The following TTC23 variants were observed in gnomAD, a reference collection of about 807,000 sequenced individuals.
TTC23 encodes tetratricopeptide repeat protein 23.
TTC23 carries 58 observed loss-of-function variants against 55.1 expected under a neutral mutation model. The ratio of observed to expected loss-of-function variants is 1.05; its 90% CI spans 0.85 to 1.31. The LOEUF (loss-of-function observed/expected upper bound fraction) is 1.31. Ranked by LOEUF, TTC23 falls within the 50% of genes most tolerant of loss-of-function variation. The pLI, the probability that TTC23 is intolerant of heterozygous loss-of-function variation, is 0.00. For missense variants in TTC23, 516 were observed against 534.4 expected, an observed-to-expected ratio of 0.97 and a Z score of 0.34; for synonymous variants, 203 against 199.9, an observed-to-expected ratio of 1.02 and a Z score of -0.13.
chr15:99,250,570 C>G (rs1360219928), upstream of TTC23, among the ~76,000 whole-genome samples: 2 of 152,250 alleles, frequency 1.3e-5, no homozygotes, highest in East Asian at 1.9e-4. Flanking sequence ...ATTAATGAGA[C>G]ACTTTAAAAA....
At chr15:99,243,877 A>T (rs2080014706) in intron 2 of TTC23, among the ~76,000 whole-genome samples, 2 of 152,190 alleles carry the variant, frequency 1.3e-5, no homozygotes, top group South Asian at 4.1e-4. Context: ...TACAAAACGT[A>T]GTTAGATAGA....
chr15:99,138,147 G>A lies in TTC23; in HGVS notation c.1227-20C>T, dbSNP rs1555488159. On this transcript the variant is annotated intron_variant, in intron 13 of 13. Transcript: ENST00000394132. ...GGGGCCCTGCAGACAAGCAGAGGGT[G>A]GGGTGAGTGTGGTGCCCCTCAGCCC... 1 of 1,611,274 alleles carries A rather than the reference G, an allele frequency of 6.2e-7. No individual in the cohort carries two copies.
rs2067613340 is a variant in TTC23 at position 99,136,642 on chromosome 15, C to T, written c.*1368G>A. ...CTAATCACCTCTCCAAGACCCCACC[C>T]CCAATACCATCCCTTTGGGGATTAG... On this transcript the variant is annotated 3_prime_UTR_variant, in exon 14 of 14. Coordinates refer to ENST00000394132, the MANE Select transcript of TTC23 (RefSeq NM_001288615.3). 6.6e-6 allele frequency: 1 copy of T among 152,324 alleles called. No individual in the cohort carries two copies. Among genetic ancestry groups the T allele is most frequent in the African/African-American group, 2.4e-5 (1 of 41,454 alleles). 9.4% of individuals were successfully genotyped at this position (152,324 alleles called of 1,614,324 possible).
Position 99,137,968 on chromosome 15 carries a change from A to G in TTC23, c.*42T>C, listed in dbSNP as rs1555487908. The G allele has an allele frequency of 6.2e-7, 1 of 1,612,624 alleles. No homozygotes were observed. Among genetic ancestry groups the G allele is most frequent in the African/African-American group, 1.3e-5 (1 of 74,986 alleles). ...GGTGATTTGTACAGCACCCTAAATGACAGTGCCCAGGAATGTCCTAGGCTT... is the reference window on the plus strand; with the variant it reads ...GGTGATTTGTACAGCACCCTAAATGGCAGTGCCCAGGAATGTCCTAGGCTT... On this transcript the variant is annotated 3_prime_UTR_variant, in exon 14 of 14. Coordinates refer to ENST00000394132, the MANE Select transcript of TTC23 (RefSeq NM_001288615.3).
At position 99,138,043 on chromosome 15, in the gene TTC23, C is replaced by T; in HGVS notation, c.1311G>A (p.Leu437=). 2 of 1,614,104 alleles carry T rather than the reference C, an allele frequency of 1.2e-6. No individual in the cohort carries two copies. The highest frequency in any genetic ancestry group is 1.7e-5 in the Admixed American group (1 of 60,030). ...FCTSIPQDTL[L]GKARPGTTAD is the part of the protein sequence containing the mutation. Reference sequence around the variant, plus strand: ...CTGTTGTGCCGGGCCGGGCCTTCCCCAGCAGGGTGTCCTGAGGGATGCTGG... The same window carrying T: ...CTGTTGTGCCGGGCCGGGCCTTCCCTAGCAGGGTGTCCTGAGGGATGCTGG... The change falls in exon 14 of 14, where the codon CTG becomes CTA. Residue 437 remains leucine (L), a synonymous_variant. Coordinates refer to ENST00000394132, the MANE Select transcript of TTC23 (RefSeq NM_001288615.3).
chr15:99,242,921 T>A (rs376451341), intron 2 of TTC23, among the ~76,000 whole-genome samples: 1 of 152,174 alleles, frequency 6.6e-6, no homozygotes, highest in East Asian at 1.9e-4. Context: ...GGGGAAACTC[T>A]CTGGGACAGT....
intron 9 of TTC23, among the ~76,000 whole-genome samples, chr15:99,199,685 G>C (rs964810724): frequency 1.3e-5 from 2 of 152,122 alleles, no homozygotes; most frequent in Admixed American, 6.6e-5. Context: ...ACCCCCTTTA[G>C]AGCATCTCAG....
chr15:99,178,098 C>G (rs2073773464), intron 9 of TTC23, among the ~76,000 whole-genome samples: 1 of 152,172 alleles, frequency 6.6e-6, no homozygotes, highest in South Asian at 2.1e-4. Flanking sequence ...GGGAAGATCA[C>G]TTGATCCTGG....
intron 10 of TTC23, among the ~76,000 whole-genome samples, chr15:99,162,498 G>A (rs1310074983): frequency 6.6e-6 from 1 of 152,172 alleles, no homozygotes; most frequent in Non-Finnish European, 1.5e-5. Flanking sequence ...AAGTGAGCGG[G>A]AGCTGAGGTT....
chr15:99,235,275 T>C (rs1375451355), intron 3 of TTC23, among the ~76,000 whole-genome samples, 195 bp from the exon 4 acceptor site: 1 of 151,062 alleles, frequency 6.6e-6, no homozygotes, highest in Non-Finnish European at 1.5e-5. Context: ...AAAATTGTAG[T>C]AAAAAATATA....
Position 99,235,072 on chromosome 15 carries a change from ACT to A in TTC23, c.-107_-106del, listed in dbSNP as rs1270106473. On this transcript the variant is annotated 5_prime_UTR_variant, in exon 4 of 14. Coordinates refer to ENST00000394132, the MANE Select transcript of TTC23 (RefSeq NM_001288615.3). ...GGACCAGCCTGGGCAACATGGCAAA[ACT>A]CTGTCTCTACAAAAAATACAAAAAT... The A allele has an allele frequency of 6.6e-6, 1 of 152,442 alleles. No individual in the cohort carries two copies. Among genetic ancestry groups the A allele is most frequent in the African/African-American group, 2.4e-5 (1 of 41,368 alleles). 9.4% of individuals were successfully genotyped at this position (152,442 alleles called of 1,614,324 possible).
Position 99,221,733 on chromosome 15 carries a change from G to T in TTC23, c.304+8C>A. ...CAACTGATCCCCCTCAGTCTAAGGC[G>T]AGCTTACCTTTCAGCTGGAGGTAGC... is the stretch of plus-strand genomic sequence containing the variant. On this transcript the variant is annotated splice_region_variant and intron_variant, in intron 6 of 13. Transcript: ENST00000394132. 1 of 1,613,862 alleles carries T rather than the reference G, an allele frequency of 6.2e-7. No homozygotes were observed. Among genetic ancestry groups the T allele is most frequent in the Non-Finnish European group, 8.5e-7 (1 of 1,179,856 alleles).
At chr15:99,211,778 G>T (rs1031304589) in intron 8 of TTC23, among the ~76,000 whole-genome samples, 1 of 151,840 alleles carries the variant, frequency 6.6e-6, no homozygotes, top group Non-Finnish European at 1.5e-5. Flanking sequence ...CTCCCAGGAA[G>T]CACAAGATCT....
chr15:99,184,687 T>G (rs1290804772), intron 9 of TTC23, among the ~76,000 whole-genome samples: 1 of 152,186 alleles, frequency 6.6e-6, no homozygotes, highest in Non-Finnish European at 1.5e-5. Context: ...TTGTCTCAGA[T>G]GAGACTTTGG....
intron 8 of TTC23, among the ~76,000 whole-genome samples, chr15:99,202,470 T>G (rs2076280257): frequency 6.6e-6 from 1 of 152,180 alleles, no homozygotes; most frequent in Admixed American, 6.5e-5. Context: ...TAAAGTTTAG[T>G]AATCAAGCTC....
intron 1 of TTC23, 33 bp from the exon 2 acceptor site, chr15:99,245,543 G>C (rs1356898148): frequency 6.7e-6 from 1 of 148,774 alleles, no homozygotes; most frequent in African/African-American, 2.5e-5. Context: ...TTAATATATA[G>C]AAAAATGGGA....
chr15:99,240,043 T>A (rs2079640701), intron 3 of TTC23, among the ~76,000 whole-genome samples: 1 of 152,180 alleles, frequency 6.6e-6, no homozygotes, highest in South Asian at 2.1e-4. Flanking sequence ...TCTACAGCAG[T>A]GGGAAGCAAA....
rs2080519786 is a variant in TTC23 at position 99,249,210 on chromosome 15, A to C, written c.-470T>G. The C allele has an allele frequency of 6.6e-6, 1 of 152,182 alleles. No homozygotes were observed. Among genetic ancestry groups the C allele is most frequent in the Non-Finnish European group, 1.5e-5 (1 of 68,030 alleles). The allele number at this position is 152,182 out of a possible 1,614,324, so 9.4% of individuals were successfully genotyped here. A position where few individuals can be genotyped will look rare whatever the true frequency, so the allele number is the denominator to read the frequency against. On this transcript the variant is annotated 5_prime_UTR_variant, in exon 1 of 14. Coordinates refer to ENST00000394132, the MANE Select transcript of TTC23 (RefSeq NM_001288615.3). ...CTGATAATCTGGGCATGATGCTTTCAAACTTCACCCTAAAGAGAAAAATGC... is the reference window on the plus strand; with the variant it reads ...CTGATAATCTGGGCATGATGCTTTCCAACTTCACCCTAAAGAGAAAAATGC...
intron 8 of TTC23, among the ~76,000 whole-genome samples, chr15:99,215,771 TA>T (rs1324670883): frequency 6.7e-6 from 1 of 149,040 alleles, no homozygotes; most frequent in African/African-American, 2.5e-5. Context: ...AGAAAGAAAA[TA>T]AAAAACAAAA....
Sources: gnomAD v4.1 joint callset for allele counts (sites outside exome capture counted in the v4.1 genomes callset) on GRCh38, gnomAD v4.1.1 for gene constraint, MANE v1.5 for transcripts, NCBI Gene and HGNC (gene_info 2026-07-23, HGNC 2026-07-21) for gene names.